MYBL2: variants seen among roughly 807,000 people sequenced by gnomAD.
MYBL2 encodes the protein MYB proto-oncogene like 2.
In MYBL2, 28 loss-of-function variants were observed where a neutral mutation model predicts 79.9. The observed-to-expected ratio is 0.35, with a 90% CI of 0.26 to 0.48. The LOEUF is 0.48. Ranked by LOEUF, MYBL2 falls within the 20% of genes least tolerant of loss-of-function variation. The pLI, the probability that MYBL2 is intolerant of heterozygous loss-of-function variation, is 0.99. For missense variants in MYBL2, 735 were observed against 893.9 expected, an observed-to-expected ratio of 0.82 and a Z score of 2.27; for synonymous variants, 378 against 361.2, an observed-to-expected ratio of 1.05 and a Z score of -0.53.
At chr20:43,685,487 C>T (rs1280632361) in intron 4 of MYBL2, among the ~76,000 whole-genome samples, 1 of 151,980 alleles carries the variant, frequency 6.6e-6, no homozygotes, top group Non-Finnish European at 1.5e-5. Flanking sequence ...GGCCTGAGAC[C>T]TTGTCTCTTA....
chr20:43,698,287 G>A (rs1162523560), intron 6 of MYBL2, among the ~76,000 whole-genome samples: 1 of 150,408 alleles, frequency 6.6e-6, no homozygotes, highest in Non-Finnish European at 1.5e-5. Flanking sequence ...TGGGCTCAAG[G>A]GATCTGTCTG....
intron 2 of MYBL2, among the ~76,000 whole-genome samples, chr20:43,681,141 A>T (rs984822683): frequency 2.0e-5 from 3 of 152,078 alleles, no homozygotes; most frequent in African/African-American, 7.2e-5. Flanking sequence ...GGCTATTTTG[A>T]TAGATACTAG....
Position 43,699,762 on chromosome 20 carries a change from T to C in MYBL2, c.669T>C (p.Ser223=), listed in dbSNP as rs1190320598. ...TGTATTCTTGTGTCTTACAGGGAAG[T>C]CTTCTGACCAACTGGCCCTCCGTCC... is the stretch of plus-strand genomic sequence containing the variant. The part of the protein sequence containing the change: ...QSAQPTEGQG[S]LLTNWPSVPP... Residue 223 remains serine (S), a synonymous_variant, in exon 7 of 14, where the codon AGT becomes AGC. Coordinates refer to ENST00000217026, the MANE Select transcript of MYBL2 (RefSeq NM_002466.4). 3.1e-6 allele frequency: 5 copies of C among 1,613,784 alleles called. No homozygotes were observed. In the East Asian group the frequency reaches 6.7e-5, roughly 22 times the overall value.
Position 43,709,964 on chromosome 20 carries a change from T to A in MYBL2, c.1507T>A (p.Phe503Ile). 6.2e-7 allele frequency: 1 copy of A among 1,603,716 alleles called. No homozygotes were observed. Among genetic ancestry groups the A allele is most frequent in the Non-Finnish European group, 8.5e-7 (1 of 1,174,912 alleles). ...KTPLHQKHAAFVTPDQKYSMD... is the reference protein window; with the variant it reads ...KTPLHQKHAAIVTPDQKYSMD... ...TTCCCCCGTTCTGGCCCCTGGCAGG[T>A]TTGTAACCCCAGATCAGAAGTACTC... Residue 503 changes from phenylalanine (F) to isoleucine (I), a missense_variant and splice_region_variant, in exon 10 of 14, where the codon TTT becomes ATT. Phe to Ile is a conservative substitution (Grantham distance 21, BLOSUM62 0). Around this residue, in one of 5 missense-constraint regions of MYBL2, gnomAD observed 243 missense variants for 327.2 expected, o/e 0.74. Coordinates refer to ENST00000217026, the MANE Select transcript of MYBL2 (RefSeq NM_002466.4).
chr20:43,714,651 G>A (rs934905017), intron 12 of MYBL2, among the ~76,000 whole-genome samples: 1 of 151,224 alleles, frequency 6.6e-6, no homozygotes, highest in Non-Finnish European at 1.5e-5. Flanking sequence ...TTTTTGAGAC[G>A]GAGTCTGGCT....
At chr20:43,690,905 A>G (rs1402045398) in intron 5 of MYBL2, among the ~76,000 whole-genome samples, 1 of 152,094 alleles carries the variant, frequency 6.6e-6, no homozygotes, top group Non-Finnish European at 1.5e-5. Flanking sequence ...TCTCACCACT[A>G]TACTTCTATA....
At chr20:43,689,946 GTT>G in intron 5 of MYBL2, among the ~76,000 whole-genome samples, 1 of 152,320 alleles carries the variant, frequency 6.6e-6, no homozygotes. Context: ...TGACTCAAGA[GTT>G]TCAGGTACAT....
chr20:43,696,228 G>A (rs1437376704), intron 6 of MYBL2, among the ~76,000 whole-genome samples: 1 of 151,872 alleles, frequency 6.6e-6, no homozygotes, highest in East Asian at 1.9e-4. Flanking sequence ...AGAAGGTTGA[G>A]CCTGCTCATC....
rs1451421461 is a variant in MYBL2, at chr20:43,715,211, C to T, written c.1902C>T (p.Gly634=). ...IKEDNSLLNQ[G]FLQAKPEKAA... ...AAGACAACAGCTTGCTCAACCAGGG[C>T]TTCTTGCAGGCCAAGCCCGAGAAGG... The change falls in exon 13 of 14, where the codon GGC becomes GGT. Residue 634 remains glycine, a synonymous_variant. Coordinates refer to ENST00000217026, the MANE Select transcript of MYBL2 (RefSeq NM_002466.4). The T allele has an allele frequency of 3.7e-6, 6 of 1,614,262 alleles. No individual in the cohort carries two copies. The highest frequency in any genetic ancestry group is 5.1e-6 in the Non-Finnish European group (6 of 1,180,048).
At chr20:43,687,871 G>A (rs1248462747) in intron 5 of MYBL2, among the ~76,000 whole-genome samples, 1 of 151,772 alleles carries the variant, frequency 6.6e-6, no homozygotes, top group Non-Finnish European at 1.5e-5. Context: ...CAAAAAATTA[G>A]CGGGATGTGT....
intron 10 of MYBL2, 98 bp from the exon 11 acceptor site, chr20:43,711,390 C>A: frequency 2.3e-6 from 2 of 853,962 alleles, no homozygotes; most frequent in Admixed American, 2.3e-5. Context: ...CCTGCCTTAC[C>A]CAGGACAGCC....
chr20:43,702,986 G>C (rs1987708236), intron 8 of MYBL2, 83 bp downstream of exon 8: 1 of 1,422,262 alleles, frequency 7.0e-7, no homozygotes, highest in Non-Finnish European at 9.5e-7. Flanking sequence ...AGCAAAACGA[G>C]ACCTGGCTCT....
chr20:43,698,296 T>G (rs1392178808), intron 6 of MYBL2, among the ~76,000 whole-genome samples: 5 of 150,712 alleles, frequency 3.3e-5, no homozygotes, highest in Non-Finnish European at 5.9e-5. Flanking sequence ...GGGATCTGTC[T>G]GCCTTGGCCT....
At chr20:43,693,712 TTTTA>T in intron 6 of MYBL2, among the ~76,000 whole-genome samples, 1 of 152,284 alleles carries the variant, frequency 6.6e-6, no homozygotes, top group South Asian at 2.1e-4. Context: ...AGAGCAAAGT[TTTTA>T]TTTATATTTT....
intron 2 of MYBL2, among the ~76,000 whole-genome samples, chr20:43,674,596 A>G (rs1421702144): frequency 6.6e-6 from 1 of 151,066 alleles, no homozygotes; most frequent in Non-Finnish European, 1.5e-5. Flanking sequence ...GGGCTTCACC[A>G]TGCTGGCCAG....
rs1174936640 is a variant in MYBL2 at position 43,713,201 on chromosome 20, G to A, written c.1824+95G>A. 1.8e-5 allele frequency: 17 copies of A among 962,458 alleles called. No homozygotes were observed. The Admixed American group carries it at 3.6e-4, about 20-fold the overall frequency. The allele number at this position is 962,458 out of a possible 1,614,324, so 59.6% of individuals were successfully genotyped here. On this transcript the variant is annotated intron_variant, in intron 12 of 13. Coordinates refer to ENST00000217026, the MANE Select transcript of MYBL2 (RefSeq NM_002466.4). The stretch of plus-strand genomic sequence containing the variant: ...TCTCCAACTGGGCTTCTGGAACCCT[G>A]GGCTCTGCAGGGAGGGGCTATCAGG...
chr20:43,715,723 C>T (rs554446867), intron 13 of MYBL2, among the ~76,000 whole-genome samples: 6 of 152,302 alleles, frequency 3.9e-5, no homozygotes, highest in South Asian at 4.1e-4. Flanking sequence ...TGGTGCTGCA[C>T]GGGGCGGGCA....
At chr20:43,707,975 G>T (rs113284851) in intron 9 of MYBL2, among the ~76,000 whole-genome samples, 101 of 152,200 alleles carry the variant, frequency 6.6e-4, no homozygotes, top group African/African-American at 2.4e-3. Context: ...AACATGATGG[G>T]ATTGTTTTCT....
intron 9 of MYBL2, among the ~76,000 whole-genome samples, chr20:43,705,726 A>G (rs1213091730): frequency 6.8e-6 from 1 of 146,682 alleles, no homozygotes; most frequent in Non-Finnish European, 1.5e-5. Context: ...TTTGAGATGG[A>G]GTCTTGCTCT....
Sources: gnomAD v4.1 joint callset for allele counts (sites outside exome capture counted in the v4.1 genomes callset) on GRCh38, gnomAD v4.1.1 for gene constraint, gnomAD v4.1.1 regional missense constraint, MANE v1.5 for transcripts, NCBI Gene and HGNC (gene_info 2026-07-23, HGNC 2026-07-21) for gene names.